The following TRPM1 variants were observed in gnomAD, a reference collection of about 807,000 sequenced individuals.
TRPM1 encodes TRPM1-203 APA Isoform, Intron 10.
TRPM1 carries 113 observed loss-of-function variants against 149.4 expected under a neutral mutation model. The observed-to-expected ratio is 0.76, with a 90% confidence interval of 0.65 to 0.88. TRPM1 has a LOEUF of 0.88. Among genes scored for constraint, TRPM1 ranks in the 40% least tolerant of loss-of-function variants. The pLI is 0.00. For missense variants in TRPM1, 1,976 were observed against 2,038.7 expected, an observed-to-expected ratio of 0.97 and a Z score of 0.59; for synonymous variants, 741 against 759.5, an observed-to-expected ratio of 0.98 and a Z score of 0.40.
intron 1 of TRPM1, among the ~76,000 whole-genome samples, chr15:31,098,095 T>C (rs890985556): frequency 6.6e-6 from 1 of 152,340 alleles, no homozygotes; most frequent in Middle Eastern, 3.4e-3. Context: ...TTTGAAATTA[T>C]GTCTGTGGCG....
At chr15:31,092,803 AACAG>A (rs2035277309) in intron 1 of TRPM1, among the ~76,000 whole-genome samples, 1 of 152,216 alleles carries the variant, frequency 6.6e-6, no homozygotes, top group Non-Finnish European at 1.5e-5. Context: ...CAGCAGCGAG[AACAG>A]ACAAACTGCA....
At chr15:31,158,481 T>G (rs62038954) in intron 1 of TRPM1, among the ~76,000 whole-genome samples, 1 of 151,662 alleles carries the variant, frequency 6.6e-6, no homozygotes, top group African/African-American at 2.4e-5. Flanking sequence ...CAAAAAATTA[T>G]CCGGGTGTGG....
Position 31,108,985 on chromosome 15 carries a change from T to A in TRPM1, c.55-32001A>T, listed in dbSNP as rs2035646005. On this transcript the variant is annotated intron_variant, in intron 1 of 26. Transcript: ENST00000542188. ...ATCATTGAGATCACCTCTCCCATGC[T>A]CCAGACACTGCTGGTGCTGTGTGGA... 3.3e-5 allele frequency among the ~76,000 whole-genome samples: 5 copies of A among 152,296 alleles called. No individual in the cohort carries two copies. In the South Asian group the frequency reaches 1.0e-3, roughly 32 times the overall value.
chr15:31,059,133 CAGGGGCAGTGGAAGCAG>C (rs1421179459), intron 11 of TRPM1, among the ~76,000 whole-genome samples: 2 of 152,086 alleles, frequency 1.3e-5, no homozygotes, highest in Non-Finnish European at 2.9e-5. Context: ...CCAGGAGGAA[CAGGGGCAGTGGAAGCAG>C]AGTGAGCAAT....
chr15:31,063,228 G>A lies in TRPM1; in HGVS notation c.855C>T (p.Ile285=), dbSNP rs746460144. 2.5e-6 allele frequency: 4 copies of A among 1,614,130 alleles called. No homozygotes were observed. The highest frequency in any genetic ancestry group is 1.1e-5 in the South Asian group (1 of 91,074). ...GCTCTTCTTGCAGGTATTCCAAGACGATGGACACCACGTTAGGGCCCCCCT... is the reference window on the plus strand; with the variant it reads ...GCTCTTCTTGCAGGTATTCCAAGACAATGGACACCACGTTAGGGCCCCCCT... ...VVEGGPNVVS[I]VLEYLQEEPP... The change falls in exon 8 of 28, where the codon ATC becomes ATT. Residue 285 remains isoleucine (I), a synonymous_variant. Transcript: ENST00000256552.
chr15:31,154,698 C>T (rs1169609285), intron 1 of TRPM1, among the ~76,000 whole-genome samples: 1 of 152,184 alleles, frequency 6.6e-6, no homozygotes, highest in South Asian at 2.1e-4. Flanking sequence ...AGGAGTCAGG[C>T]AGCTGGAGGC....
At chr15:31,110,082 C>T (rs572859925) in intron 1 of TRPM1, among the ~76,000 whole-genome samples, 2 of 152,312 alleles carry the variant, frequency 1.3e-5, no homozygotes, top group African/African-American at 4.8e-5. Flanking sequence ...CTGGCATTGG[C>T]TGCAGAGGTG....
chr15:31,053,034 T>C (rs2033987950), intron 11 of TRPM1, among the ~76,000 whole-genome samples: 1 of 152,172 alleles, frequency 6.6e-6, no homozygotes, highest in Non-Finnish European at 1.5e-5. Flanking sequence ...AAGGGGTTCA[T>C]AGCCAGAATA....
chr15:31,144,046 TAA>T, intron 1 of TRPM1, among the ~76,000 whole-genome samples: 1 of 152,096 alleles, frequency 6.6e-6, no homozygotes. Flanking sequence ...TTACAGTGAG[TAA>T]AAAGTCATCG....
intron 1 of TRPM1, among the ~76,000 whole-genome samples, chr15:31,136,106 C>A (rs548876923): frequency 3.3e-5 from 5 of 151,804 alleles, no homozygotes; most frequent in Admixed American, 2.6e-4. Flanking sequence ...CCGAGGAAGG[C>A]GTGGCCATGG....
At chr15:31,143,293 C>T (rs1372469384) in intron 1 of TRPM1, among the ~76,000 whole-genome samples, 1 of 152,226 alleles carries the variant, frequency 6.6e-6, no homozygotes, top group Non-Finnish European at 1.5e-5. Flanking sequence ...GAATTAATTA[C>T]ATGAAGCTGA....
At chr15:31,135,885 C>A (rs1236865955) in intron 1 of TRPM1, among the ~76,000 whole-genome samples, 1 of 152,122 alleles carries the variant, frequency 6.6e-6, no homozygotes, top group Non-Finnish European at 1.5e-5. Flanking sequence ...CCTATACAGC[C>A]TGCAGAACTG....
chr15:31,101,243 T>A (rs1254299465), intron 1 of TRPM1, among the ~76,000 whole-genome samples: 29 of 152,192 alleles, frequency 1.9e-4, no homozygotes, highest in Non-Finnish European at 1.5e-5. Flanking sequence ...CCTGAGCAGA[T>A]CCCTGGCACC....
At chr15:31,053,990 A>G (rs768347047) in intron 11 of TRPM1, among the ~76,000 whole-genome samples, 2 of 152,224 alleles carry the variant, frequency 1.3e-5, no homozygotes, top group Non-Finnish European at 2.9e-5. Flanking sequence ...ACAAAAGGAC[A>G]AATATTACAT....
chr15:31,096,114 G>C (rs1208096016), intron 1 of TRPM1, among the ~76,000 whole-genome samples: 4 of 150,034 alleles, frequency 2.7e-5, no homozygotes, highest in Admixed American at 6.7e-5. Context: ...GAAAGAAAAA[G>C]AAGAAACGAA....
Position 31,067,129 on chromosome 15 carries a change from C to T in TRPM1, c.552G>A (p.Arg184=), listed in dbSNP as rs145037403. The part of the protein sequence containing the change: ...LKDHSSKSRG[R]VCAIGIAPWG... ...ATGGAGCAATTCCTATAGCACAAAC[C>T]CGGCCTCTGGACTTGGAGGAGTGGT... is the stretch of plus-strand genomic sequence containing the variant. Residue 184 remains arginine (R), a synonymous_variant, in exon 6 of 28, where the codon CGG becomes CGA. Transcript: ENST00000256552. 1 of 1,614,018 alleles carries T rather than the reference C, an allele frequency of 6.2e-7. No homozygotes were observed. Among genetic ancestry groups the T allele is most frequent in the Non-Finnish European group, 8.5e-7 (1 of 1,180,034 alleles).
In TRPM1 at chr15:31,070,023, T is replaced by G. The variant is rs1309520046; in HGVS notation, c.279+8A>C. On this transcript the variant is annotated splice_region_variant and intron_variant, in intron 4 of 27. Coordinates refer to ENST00000256552, the MANE Select transcript of TRPM1 (RefSeq NM_001252024.2). ...CCTAGTGGCACCATGTCTGAATGCC[T>G]TTCTCACCATGGCTTTATTGGAATA... is the stretch of plus-strand genomic sequence containing the variant. 4 of 1,614,128 alleles carry G rather than the reference T, an allele frequency of 2.5e-6. No individual in the cohort carries two copies. Among genetic ancestry groups the G allele is most frequent in the Non-Finnish European group, 3.4e-6 (4 of 1,180,050 alleles).
intron 1 of TRPM1, among the ~76,000 whole-genome samples, chr15:31,088,422 C>T (rs2035068260): frequency 6.6e-6 from 1 of 152,266 alleles, no homozygotes; most frequent in Non-Finnish European, 1.5e-5. Flanking sequence ...GGGTTGGCAC[C>T]ACCTTTAAGA....
rs950888134 is a variant in TRPM1, at chr15:31,099,979, A to G, written c.-84+1678T>C. 1.8e-4 allele frequency among the ~76,000 whole-genome samples: 28 copies of G among 152,128 alleles called. 1 individual carries two copies. Among genetic ancestry groups the G allele is most frequent in the African/African-American group, 6.8e-4 (28 of 41,424 alleles). On this transcript the variant is annotated intron_variant, in intron 1 of 27. Coordinates refer to ENST00000256552, the MANE Select transcript of TRPM1 (RefSeq NM_001252024.2). ...TAAATATCTGATTCAGACAGAGAAA[A>G]TGTGTCTCATCTTCCTTCCCCATTC...
Sources: allele counts gnomAD v4.1 joint callset (sites outside exome capture counted in the v4.1 genomes callset), GRCh38; gene constraint gnomAD v4.1.1; transcripts MANE v1.5; gene names NCBI Gene and HGNC (gene_info 2026-07-23, HGNC 2026-07-21).